The following STAG1 variants were observed in gnomAD, a reference collection of about 807,000 sequenced individuals.
STAG1 encodes cohesin subunit SA-1.
STAG1 carries 26 observed loss-of-function variants against 170.9 expected under a neutral mutation model. That is an observed-to-expected ratio of 0.15 (90% confidence interval 0.11 to 0.21). The LOEUF (loss-of-function observed/expected upper bound fraction) is 0.21, where lower values mean the gene tolerates loss of function less well. Among genes scored for constraint, STAG1 ranks in the 10% least tolerant of loss-of-function variants. The pLI, the probability that STAG1 is intolerant of heterozygous loss-of-function variation, is 1.00. For synonymous variants in STAG1, 514 were observed against 497.7 expected, an observed-to-expected ratio of 1.03 and a Z score of -0.44; for missense variants, 964 against 1,509.5, an observed-to-expected ratio of 0.64 and a Z score of 5.99.
At chr3:136,723,214 T>C (rs1000204557) in intron 1 of STAG1, among the ~76,000 whole-genome samples, 2 of 149,528 alleles carry the variant, frequency 1.3e-5, no homozygotes, top group Admixed American at 6.7e-5. Flanking sequence ...GAGGAGCGTC[T>C]CTGCCCGGCT....
chr3:136,697,505 A>AT (rs530278459), intron 1 of STAG1, among the ~76,000 whole-genome samples: 8 of 152,058 alleles, frequency 5.3e-5, no homozygotes, highest in South Asian at 2.1e-4. Flanking sequence ...AGCCACCAGC[A>AT]TTTTTTTTAA....
chr3:136,395,783 T>C (rs1158548023), intron 22 of STAG1, among the ~76,000 whole-genome samples: 1 of 152,170 alleles, frequency 6.6e-6, no homozygotes, highest in Non-Finnish European at 1.5e-5. Flanking sequence ...ATGACGTCTG[T>C]GGGAAAAACT....
intron 9 of STAG1, among the ~76,000 whole-genome samples, chr3:136,497,702 A>G (rs1040422160): frequency 6.6e-6 from 1 of 151,712 alleles, no homozygotes; most frequent in Admixed American, 6.6e-5. Flanking sequence ...ATAAATACAA[A>G]AAATTAGCTG....
At chr3:136,734,444 C>G (rs1011115939) in intron 1 of STAG1, among the ~76,000 whole-genome samples, 1 of 152,088 alleles carries the variant, frequency 6.6e-6, no homozygotes, top group East Asian at 1.9e-4. Context: ...AGAAATCTTG[C>G]CAAAGAGCCA....
At chr3:136,486,156 TC>T (rs2090007552) in intron 9 of STAG1, among the ~76,000 whole-genome samples, 1 of 152,230 alleles carries the variant, frequency 6.6e-6, no homozygotes, top group African/African-American at 2.4e-5. Flanking sequence ...AAGTATTCTT[TC>T]TTGAAGCTAC....
chr3:136,440,886 G>A (rs1220817406), intron 15 of STAG1, among the ~76,000 whole-genome samples: 1 of 152,076 alleles, frequency 6.6e-6, no homozygotes, highest in Non-Finnish European at 1.5e-5. Context: ...CCACTTGGGA[G>A]GCTGAGGTCG....
chr3:136,532,613 G>A (rs113344089), intron 6 of STAG1, among the ~76,000 whole-genome samples: 23 of 152,148 alleles, frequency 1.5e-4, no homozygotes, highest in Admixed American at 2.0e-4. Context: ...ATGGTTTAAC[G>A]TATGCAAATC....
At chr3:136,557,356 T>G (rs1576604376) in intron 5 of STAG1, among the ~76,000 whole-genome samples, 1 of 152,302 alleles carries the variant, frequency 6.6e-6, no homozygotes, top group Non-Finnish European at 1.5e-5. Flanking sequence ...GGGGTCATTG[T>G]ACAATCAAGA....
chr3:136,666,321 A>G (rs1265656191), intron 1 of STAG1, among the ~76,000 whole-genome samples: 2 of 152,102 alleles, frequency 1.3e-5, no homozygotes, highest in African/African-American at 4.8e-5. Context: ...AAGACTCTTA[A>G]GCAGAGACCT....
chr3:136,428,375 G>A (rs1420166852), intron 16 of STAG1, among the ~76,000 whole-genome samples: 1 of 152,194 alleles, frequency 6.6e-6, no homozygotes, highest in Non-Finnish European at 1.5e-5. Context: ...AAGCCAGGAA[G>A]TACCTTGCCA....
chr3:136,702,106 AGAGAGAGAGAGAGAGAC>A (rs1435352031), intron 1 of STAG1, among the ~76,000 whole-genome samples: 1 of 83,512 alleles, frequency 1.2e-5, no homozygotes, highest in Non-Finnish European at 2.6e-5. Flanking sequence ...AGAGAGAGAG[AGAGAGAGAGAGAGAGAC>A]AGAGAGACAG....
chr3:136,611,658 C>CATTTTT (rs1357118748), intron 3 of STAG1, among the ~76,000 whole-genome samples: 3 of 72,568 alleles, frequency 4.1e-5, no homozygotes, highest in Non-Finnish European at 8.0e-5. Flanking sequence ...CCACACCCAG[C>CATTTTT]TTTTTTTTTT....
chr3:136,478,727 C>G lies in STAG1; in HGVS notation c.903-1315G>C, dbSNP rs569153731. ...AGGATAAAAACAGGGAAAACATTCT[C>G]TTTCCAAGCCATACTGCCAATTACA... On this transcript the variant is annotated intron_variant, in intron 9 of 33. Coordinates refer to ENST00000383202, the MANE Select transcript of STAG1 (RefSeq NM_005862.3). Among the ~76,000 whole-genome samples, 16 of 152,268 alleles carry G rather than the reference C, an allele frequency of 1.1e-4. No homozygotes were observed. In the South Asian group the frequency reaches 3.3e-3, roughly 32 times the overall value.
At chr3:136,678,481 C>G (rs970583710) in intron 1 of STAG1, among the ~76,000 whole-genome samples, 1 of 148,880 alleles carries the variant, frequency 6.7e-6, no homozygotes, top group Non-Finnish European at 1.5e-5. Flanking sequence ...AGTAGATTCC[C>G]TTATGTTATC....
intron 4 of STAG1, among the ~76,000 whole-genome samples, chr3:136,583,529 C>T (rs1366079516): frequency 6.6e-6 from 1 of 152,156 alleles, no homozygotes. Flanking sequence ...TAGCTCATGC[C>T]TGTAATCCTA....
At chr3:136,564,919 T>C (rs1239139561) in intron 5 of STAG1, among the ~76,000 whole-genome samples, 2 of 149,004 alleles carry the variant, frequency 1.3e-5, no homozygotes, top group Non-Finnish European at 3.0e-5. Flanking sequence ...TAAATCTTCA[T>C]GACCTTGAAT....
chr3:136,530,182 T>G (rs1280048286), intron 6 of STAG1, among the ~76,000 whole-genome samples: 1 of 152,142 alleles, frequency 6.6e-6, no homozygotes, highest in African/African-American at 2.4e-5. Context: ...ACAATAATAA[T>G]TAATAATTTT....
chr3:136,509,158 CAG>C (rs1216449446), intron 7 of STAG1, among the ~76,000 whole-genome samples: 1 of 152,174 alleles, frequency 6.6e-6, no homozygotes, highest in Non-Finnish European at 1.5e-5. Flanking sequence ...GTTAAGAAAA[CAG>C]ATAGAGGATA....
chr3:136,397,167 T>G (rs1335514486), intron 22 of STAG1, among the ~76,000 whole-genome samples: 1 of 152,240 alleles, frequency 6.6e-6, no homozygotes, highest in Non-Finnish European at 1.5e-5. Flanking sequence ...TGGTTCTTTA[T>G]CAAATGTTTA....
Sources: gnomAD v4.1 joint callset for allele counts (sites outside exome capture counted in the v4.1 genomes callset) on GRCh38, gnomAD v4.1.1 for gene constraint, MANE v1.5 for transcripts, NCBI Gene and HGNC (gene_info 2026-07-23, HGNC 2026-07-21) for gene names.